RAPGEF6: variants seen among roughly 807,000 people sequenced by gnomAD.
The protein encoded by RAPGEF6 is Rap guanine nucleotide exchange factor 6.
Under a neutral mutation model 171.4 loss-of-function variants are expected in RAPGEF6, and 56 were observed. The ratio of observed to expected loss-of-function variants is 0.33; its 90% CI spans 0.26 to 0.41. The LOEUF (loss-of-function observed/expected upper bound fraction) is 0.41, where lower values mean the gene tolerates loss of function less well. Ranked by LOEUF, RAPGEF6 falls within the 10% of genes least tolerant of loss-of-function variation. The pLI is 1.00. For missense variants in RAPGEF6, 1,674 were observed against 1,921.4 expected, an observed-to-expected ratio of 0.87 and a Z score of 2.41; for synonymous variants, 692 against 650.1, an observed-to-expected ratio of 1.06 and a Z score of -0.98.
intron 6 of RAPGEF6, among the ~76,000 whole-genome samples, chr5:131,534,197 G>T (rs3776010): frequency 6.6e-6 from 1 of 152,168 alleles, no homozygotes; most frequent in East Asian, 1.9e-4. Flanking sequence ...TGTTACCTGG[G>T]AGACAGGTCT....
chr5:131,508,252 T>C, intron 8 of RAPGEF6, 45 bp from the exon 9 acceptor site: 2 of 1,512,496 alleles, frequency 1.3e-6, no homozygotes, highest in Non-Finnish European at 1.8e-6. Flanking sequence ...TCGAGGACTA[T>C]ACCTTAAAAA....
intron 25 of RAPGEF6, 133 bp downstream of exon 25, chr5:131,433,297 C>A (rs1245424416): frequency 4.3e-6 from 3 of 693,592 alleles, no homozygotes; most frequent in Middle Eastern, 3.7e-4. Flanking sequence ...AGAATATGTG[C>A]TTGGCCCACA....
intron 7 of RAPGEF6, among the ~76,000 whole-genome samples, chr5:131,510,898 G>A (rs144164375): frequency 2.0e-5 from 3 of 152,324 alleles, no homozygotes; most frequent in African/African-American, 4.8e-5. Flanking sequence ...GTATTGTGAA[G>A]AAGATACTGT....
chr5:131,528,016 A>T (rs1759014906), intron 6 of RAPGEF6, among the ~76,000 whole-genome samples: 1 of 141,612 alleles, frequency 7.1e-6, no homozygotes, highest in Non-Finnish European at 1.5e-5. Context: ...CTCCGTGTCA[A>T]AAAATAATAA....
chr5:131,559,490 T>C (rs1761454552), intron 5 of RAPGEF6, among the ~76,000 whole-genome samples: 1 of 152,148 alleles, frequency 6.6e-6, no homozygotes, highest in South Asian at 2.1e-4. Context: ...TTTATCACTA[T>C]ACAGTACCAT....
intron 1 of RAPGEF6, among the ~76,000 whole-genome samples, chr5:131,629,295 T>C (rs990809699): frequency 3.3e-5 from 5 of 149,778 alleles, no homozygotes; most frequent in African/African-American, 1.2e-4. Context: ...GTCCAGGCAA[T>C]GTATTGAGAC....
intron 6 of RAPGEF6, among the ~76,000 whole-genome samples, chr5:131,547,508 CT>C (rs537121153): frequency 0.024 from 3,149 of 132,404 alleles, 38 homozygotes; most frequent in African/African-American, 0.049. Context: ...ACACAGCTTA[CT>C]TTTTTTTTTT....
chr5:131,581,415 G>C (rs1762951403), intron 4 of RAPGEF6, among the ~76,000 whole-genome samples: 1 of 151,810 alleles, frequency 6.6e-6, no homozygotes, highest in Non-Finnish European at 1.5e-5. Context: ...TCTTACTCAG[G>C]CCTTGGGTCT....
At chr5:131,597,365 T>C (rs146675202) in intron 3 of RAPGEF6, among the ~76,000 whole-genome samples, 159 of 151,854 alleles carry the variant, frequency 1.0e-3, no homozygotes, top group Middle Eastern at 3.4e-3. Flanking sequence ...TACTACTGGA[T>C]ACATATCCAA....
At chr5:131,495,270 G>A (rs1416928107) in intron 13 of RAPGEF6, among the ~76,000 whole-genome samples, 1 of 151,508 alleles carries the variant, frequency 6.6e-6, no homozygotes, top group Non-Finnish European at 1.5e-5. Context: ...ACTCCAGCCT[G>A]GGCGACAGCG....
At chr5:131,529,562 C>T (rs563664952) in intron 6 of RAPGEF6, among the ~76,000 whole-genome samples, 19 of 151,494 alleles carry the variant, frequency 1.3e-4, no homozygotes, top group African/African-American at 4.6e-4. Flanking sequence ...AATAGGGGAA[C>T]AAAACATTAG....
intron 26 of RAPGEF6, among the ~76,000 whole-genome samples, chr5:131,429,937 C>T (rs1751596086): frequency 6.6e-6 from 1 of 151,682 alleles, no homozygotes; most frequent in Non-Finnish European, 1.5e-5. Context: ...GTAATCCCAG[C>T]TACTTGGGAG....
chr5:131,604,515 C>T, intron 2 of RAPGEF6, 108 bp downstream of exon 2: 1 of 1,275,516 alleles, frequency 7.8e-7, no homozygotes, highest in East Asian at 2.6e-5. Flanking sequence ...AATGCATATA[C>T]CAAGGGCTTA....
chr5:131,544,940 C>G (rs1357761012), intron 6 of RAPGEF6, among the ~76,000 whole-genome samples: 2 of 152,196 alleles, frequency 1.3e-5, no homozygotes, highest in Non-Finnish European at 2.9e-5. Context: ...GCCTCGGCCC[C>G]CAAAGTGCTG....
intron 1 of RAPGEF6, among the ~76,000 whole-genome samples, chr5:131,621,392 C>T (rs1765584338): frequency 6.6e-6 from 1 of 151,970 alleles, no homozygotes; most frequent in African/African-American, 2.4e-5. Context: ...TGGGCTCATG[C>T]GATCCTCTCA....
In RAPGEF6 at chr5:131,446,673, G is replaced by A. The variant is rs964271257; in HGVS notation, c.3231C>T (p.Asn1077=). 2 of 1,614,050 alleles carry A rather than the reference G, an allele frequency of 1.2e-6. No homozygotes were observed. The highest frequency in any genetic ancestry group is 2.7e-5 in the African/African-American group (2 of 74,948). The change falls in exon 22 of 28, where the codon AAC becomes AAT. Residue 1077 remains asparagine, a synonymous_variant. Transcript: ENST00000509018. ...GAGCACCTCCCTGAACATCCAGCATGTTTGAATTTGTGCTTCCTTGACTCA... is the reference window on the plus strand; with the variant it reads ...GAGCACCTCCCTGAACATCCAGCATATTTGAATTTGTGCTTCCTTGACTCA... ...RSLSQGSTNS[N]MLDVQGGAHK... is the part of the protein sequence containing the mutation.
intron 8 of RAPGEF6, among the ~76,000 whole-genome samples, chr5:131,508,466 C>T (rs1343210462): frequency 6.6e-6 from 1 of 152,208 alleles, no homozygotes; most frequent in Admixed American, 6.5e-5. Flanking sequence ...AAGGACCATA[C>T]AGGTTCAGAT....
intron 11 of RAPGEF6, among the ~76,000 whole-genome samples, chr5:131,499,781 A>G (rs528095300): frequency 6.6e-6 from 1 of 152,334 alleles, no homozygotes; most frequent in East Asian, 1.9e-4. Flanking sequence ...GCAGTCATCC[A>G]AACAATTTCA....
intron 1 of RAPGEF6, among the ~76,000 whole-genome samples, chr5:131,616,738 TCCTC>T (rs1765285470): frequency 2.6e-5 from 4 of 151,672 alleles, no homozygotes; most frequent in Non-Finnish European, 5.9e-5. Context: ...GCTCAAGTGA[TCCTC>T]CCTCCTGAGA....
Sources: allele counts gnomAD v4.1 joint callset (sites outside exome capture counted in the v4.1 genomes callset), GRCh38; gene constraint gnomAD v4.1.1; transcripts MANE v1.5; gene names NCBI Gene and HGNC (gene_info 2026-07-23, HGNC 2026-07-21).